The following EFL1 variants were observed in gnomAD, a reference collection of about 807,000 sequenced individuals.
EFL1 encodes elongation factor like GTPase 1.
A neutral mutation model predicts 126.7 loss-of-function variants in EFL1; 76 were observed. That is an observed-to-expected ratio of 0.60 (90% CI 0.50 to 0.73). The LOEUF (loss-of-function observed/expected upper bound fraction) is 0.73. Ranked by LOEUF, EFL1 falls within the 30% of genes least tolerant of loss-of-function variation. The probability of loss-of-function intolerance (pLI) is 0.00; values close to 1 mark genes in which losing one functional copy is unlikely to be tolerated. For missense variants in EFL1, 1,128 were observed against 1,343.2 expected (o/e 0.84, Z 2.50); for synonymous variants, 410 against 448.4 (o/e 0.91, Z 1.08).
chr15:82,241,040 ACT>A (rs549514327), intron 5 of EFL1, among the ~76,000 whole-genome samples: 123 of 152,304 alleles, frequency 8.1e-4, no homozygotes, highest in African/African-American at 2.8e-3. Flanking sequence ...ACAGAGCAAG[ACT>A]CTGTCTCAAA....
At chr15:82,203,119 A>G (rs2074488266) in intron 15 of EFL1, among the ~76,000 whole-genome samples, 1 of 151,920 alleles carries the variant, frequency 6.6e-6, no homozygotes, top group Non-Finnish European at 1.5e-5. Flanking sequence ...ACTGTTCCCT[A>G]ACTTTTTGAA....
chr15:82,235,373 G>A (rs1386937979), intron 7 of EFL1, among the ~76,000 whole-genome samples: 1 of 152,034 alleles, frequency 6.6e-6, no homozygotes, highest in Non-Finnish European at 1.5e-5. Context: ...GTTCATCTAT[G>A]TACAAATAAC....
chr15:82,130,802 G>A lies in EFL1; in HGVS notation c.3175-241C>T, dbSNP rs141168505. ...TGCCTGAGCTCAGAAGTTCGAGACC[G>A]GCCTGGACAACATGGTGAAACCCCG... On this transcript the variant is annotated intron_variant, in intron 19 of 19. Coordinates refer to ENST00000268206, the MANE Select transcript of EFL1 (RefSeq NM_024580.6). Among the ~76,000 whole-genome samples, 995 of 152,068 alleles carry A rather than the reference G, an allele frequency of 6.5e-3. 7 individuals carry two copies. Among genetic ancestry groups the A allele is most frequent in the African/African-American group, 0.022 (903 of 41,482 alleles).
chr15:82,259,825 T>C (rs2075097701), intron 2 of EFL1, among the ~76,000 whole-genome samples: 1 of 152,180 alleles, frequency 6.6e-6, no homozygotes, highest in African/African-American at 2.4e-5. Flanking sequence ...TATTGCACTT[T>C]AGGAACTTCA....
At chr15:82,246,231 C>A (rs1055693583) in intron 4 of EFL1, among the ~76,000 whole-genome samples, 1 of 152,024 alleles carries the variant, frequency 6.6e-6, no homozygotes, top group African/African-American at 2.4e-5. Flanking sequence ...AGGCCTGCTG[C>A]GTAGATAGTA....
At chr15:82,232,985 C>A (rs1409374321) in intron 7 of EFL1, among the ~76,000 whole-genome samples, 1 of 151,766 alleles carries the variant, frequency 6.6e-6, no homozygotes, top group African/African-American at 2.4e-5. Context: ...AGATAAATAT[C>A]CTGCTCTTAA....
intron 3 of EFL1, among the ~76,000 whole-genome samples, chr15:82,256,897 T>C (rs896429857): frequency 1.3e-5 from 2 of 152,210 alleles, no homozygotes; most frequent in Non-Finnish European, 2.9e-5. Context: ...GCATCCATAA[T>C]CATAAGGTTG....
chr15:82,147,130 C>G (rs548601980), intron 18 of EFL1, among the ~76,000 whole-genome samples: 2 of 152,064 alleles, frequency 1.3e-5, no homozygotes, highest in Non-Finnish European at 2.9e-5. Context: ...TGATAAACAC[C>G]AACAGCTGAT....
At chr15:82,183,160 A>G (rs1425094064) in intron 15 of EFL1, among the ~76,000 whole-genome samples, 19 of 152,218 alleles carry the variant, frequency 1.2e-4, no homozygotes, top group Non-Finnish European at 2.9e-5. Context: ...CCCTCTGGCT[A>G]TATACTCAGC....
intron 7 of EFL1, among the ~76,000 whole-genome samples, chr15:82,232,317 G>A (rs1281515706): frequency 6.6e-6 from 1 of 152,182 alleles, no homozygotes; most frequent in Non-Finnish European, 1.5e-5. Context: ...ACTGAGCGAT[G>A]AATACATGAA....
chr15:82,142,786 T>C (rs2073803257), intron 18 of EFL1, among the ~76,000 whole-genome samples: 1 of 152,148 alleles, frequency 6.6e-6, no homozygotes, highest in Non-Finnish European at 1.5e-5. Context: ...CAAAACCATT[T>C]GAGGTTTTGC....
chr15:82,233,037 T>G (rs1234160255), intron 7 of EFL1, among the ~76,000 whole-genome samples: 1 of 152,188 alleles, frequency 6.6e-6, no homozygotes, highest in Non-Finnish European at 1.5e-5. Flanking sequence ...AAATAAACAC[T>G]CTAAAACCTC....
At chr15:82,200,605 T>G (rs1323915338) in intron 15 of EFL1, among the ~76,000 whole-genome samples, 1 of 152,180 alleles carries the variant, frequency 6.6e-6, no homozygotes, top group Admixed American at 6.5e-5. Context: ...AGGACATACC[T>G]GGGAGCCTCC....
intron 4 of EFL1, among the ~76,000 whole-genome samples, chr15:82,244,144 C>T (rs1341411941): frequency 6.6e-6 from 1 of 152,078 alleles, no homozygotes; most frequent in African/African-American, 2.4e-5. Flanking sequence ...TCATCTTAAC[C>T]CTTTCCAAAC....
intron 7 of EFL1, among the ~76,000 whole-genome samples, chr15:82,233,169 T>G (rs1194416376): frequency 4.6e-5 from 7 of 152,314 alleles, no homozygotes; most frequent in Non-Finnish European, 1.0e-4. Context: ...TTCAAAAATC[T>G]TGTTGCTTAT....
chr15:82,141,400 T>C (rs575629237), intron 18 of EFL1, among the ~76,000 whole-genome samples: 91 of 152,280 alleles, frequency 6.0e-4, no homozygotes, highest in African/African-American at 2.1e-3. Flanking sequence ...AGGAGAGCGG[T>C]GGCTCACGCC....
At chr15:82,175,778 A>G (rs913300533) in intron 15 of EFL1, among the ~76,000 whole-genome samples, 3 of 152,158 alleles carry the variant, frequency 2.0e-5, no homozygotes, top group African/African-American at 4.8e-5. Flanking sequence ...GCTTGAACCC[A>G]GGAGGTTCAA....
chr15:82,225,646 A>G lies in EFL1; in HGVS notation c.1193-382T>C, dbSNP rs2074755587. Among the ~76,000 whole-genome samples the G allele has an allele frequency of 3.9e-5, 6 of 152,216 alleles. No homozygotes were observed. The South Asian group carries it at 1.0e-3, about 26-fold the overall frequency. ...TGTTACCAAAGGCCAACAATCAACAAGGTAGCTTGTTAATAAGATACATAA... is the reference window on the plus strand; with the variant it reads ...TGTTACCAAAGGCCAACAATCAACAGGGTAGCTTGTTAATAAGATACATAA... On this transcript the variant is annotated intron_variant, in intron 11 of 19. Coordinates refer to ENST00000268206, the MANE Select transcript of EFL1 (RefSeq NM_024580.6).
At chr15:82,181,268 T>C (rs759634738) in intron 15 of EFL1, among the ~76,000 whole-genome samples, 1 of 152,194 alleles carries the variant, frequency 6.6e-6, no homozygotes, top group Non-Finnish European at 1.5e-5. Flanking sequence ...AGATGACCAA[T>C]AAGATTGAAG....
Sources: allele counts gnomAD v4.1 joint callset (sites outside exome capture counted in the v4.1 genomes callset), GRCh38; gene constraint gnomAD v4.1.1; transcripts MANE v1.5; gene names NCBI Gene and HGNC (gene_info 2026-07-23, HGNC 2026-07-21).